FAM91A1: variants seen among roughly 807,000 people sequenced by gnomAD.
The protein encoded by FAM91A1 is protein FAM91A1.
FAM91A1 carries 41 observed loss-of-function variants against 113.5 expected under a neutral mutation model. That is an observed-to-expected ratio of 0.36 (90% CI 0.28 to 0.47). FAM91A1 has a LOEUF of 0.47. Ranked by LOEUF, FAM91A1 falls within the 20% of genes least tolerant of loss-of-function variation. The pLI is 1.00. For synonymous variants in FAM91A1, 307 were observed against 347.9 expected, an observed-to-expected ratio of 0.88 and a Z score of 1.31; for missense variants, 696 against 1,001.2, an observed-to-expected ratio of 0.70 and a Z score of 4.11.
At chr8:123,784,928 G>T in intron 9 of FAM91A1, 153 bp from the exon 10 acceptor site, 1 of 536,122 alleles carries the variant, frequency 1.9e-6, no homozygotes, top group Non-Finnish European at 3.2e-6. Context: ...TAGAGATAGG[G>T]AAAGAAGAAA....
Position 123,802,048 on chromosome 8 carries a change from C to G in FAM91A1, c.1809+2163C>G, listed in dbSNP as rs141092803. Reference sequence around the variant, plus strand: ...GTGCCGCCTGCCTTGAGTGTCCTGCCGTGGAACTGAGAAGTTGACCTGTAG... The same window carrying G: ...GTGCCGCCTGCCTTGAGTGTCCTGCGGTGGAACTGAGAAGTTGACCTGTAG... On this transcript the variant is annotated intron_variant, in intron 18 of 23. Coordinates refer to ENST00000334705, the MANE Select transcript of FAM91A1 (RefSeq NM_144963.4). Among the ~76,000 whole-genome samples, 6 of 152,030 alleles carry G rather than the reference C, an allele frequency of 3.9e-5. No homozygotes were observed. In the East Asian group the frequency reaches 1.2e-3, roughly 29 times the overall value.
intron 15 of FAM91A1, among the ~76,000 whole-genome samples, chr8:123,793,285 A>C (rs1242590201): frequency 6.6e-6 from 1 of 152,118 alleles, no homozygotes; most frequent in Non-Finnish European, 1.5e-5. Context: ...CTTTGAGACC[A>C]TGCAGATATC....
At chr8:123,784,709 A>G (rs555635749) in intron 9 of FAM91A1, 133 bp downstream of exon 9, 55 of 524,804 alleles carry the variant, frequency 1.0e-4, no homozygotes, top group African/African-American at 7.2e-4. Flanking sequence ...TTACACTTAA[A>G]TGTCATTATT....
At chr8:123,781,411 C>T (rs1815117585) in intron 8 of FAM91A1, among the ~76,000 whole-genome samples, 1 of 151,686 alleles carries the variant, frequency 6.6e-6, no homozygotes, top group Non-Finnish European at 1.5e-5. Context: ...CGTGTCCAGA[C>T]CTTTGGGTTG....
chr8:123,786,057 G>A (rs1452768149), intron 11 of FAM91A1: 3 of 375,990 alleles, frequency 8.0e-6, no homozygotes, highest in Non-Finnish European at 1.6e-5. Flanking sequence ...GGCCCCAACT[G>A]ATCCACCCAC....
chr8:123,812,590 T>C lies in FAM91A1; in HGVS notation c.2403T>C (p.Ala801=). 6 of 1,611,108 alleles carry C rather than the reference T, an allele frequency of 3.7e-6. No homozygotes were observed. Among genetic ancestry groups the C allele is most frequent in the Non-Finnish European group, 5.1e-6 (6 of 1,178,734 alleles). Residue 801 remains alanine (A), a synonymous_variant, in exon 24 of 24, where the codon GCT becomes GCC. Transcript: ENST00000334705. ...GTTTGCTTTCACAGTCATCGTGTGCTGACATGGGTGTTCCACTTCCTGCAA... is the reference window on the plus strand; with the variant it reads ...GTTTGCTTTCACAGTCATCGTGTGCCGACATGGGTGTTCCACTTCCTGCAA... The part of the protein sequence containing the change: ...FSSLLSQSSC[A]DMGVPLPAKN...
chr8:123,784,135 A>C (rs1030220479), intron 8 of FAM91A1, among the ~76,000 whole-genome samples: 2 of 152,196 alleles, frequency 1.3e-5, no homozygotes, highest in African/African-American at 4.8e-5. Context: ...CATGTATCAG[A>C]AACCCTTTGC....
At chr8:123,799,368 T>C (rs1815620000) in intron 16 of FAM91A1, 152 bp from the exon 17 acceptor site, 3 of 680,790 alleles carry the variant, frequency 4.4e-6, no homozygotes, top group Non-Finnish European at 6.9e-6. Context: ...CAGTATAAAA[T>C]TGAAACTATT....
chr8:123,800,835 T>A (rs1815657834), intron 18 of FAM91A1, among the ~76,000 whole-genome samples: 1 of 152,158 alleles, frequency 6.6e-6, no homozygotes, highest in Non-Finnish European at 1.5e-5. Context: ...AGGTTCATCA[T>A]GTTGTCATAG....
chr8:123,808,429 C>G lies in FAM91A1; in HGVS notation c.2137+53C>G, dbSNP rs963059437. The G allele has an allele frequency of 4.7e-6, 7 of 1,478,560 alleles. No individual in the cohort carries two copies. In the African/African-American group the frequency reaches 7.0e-5, roughly 15 times the overall value. 91.6% of individuals were successfully genotyped at this position (1,478,560 alleles called of 1,614,324 possible). On this transcript the variant is annotated intron_variant, in intron 21 of 23. Coordinates refer to ENST00000334705, the MANE Select transcript of FAM91A1 (RefSeq NM_144963.4). ...TATTAGACTAATTTCTGAGGTTTAA[C>G]TTTTATGTTAAGGCATTTGCATGCC...
intron 3 of FAM91A1, among the ~76,000 whole-genome samples, chr8:123,776,882 G>A (rs1814996464): frequency 6.6e-6 from 1 of 152,192 alleles, no homozygotes; most frequent in Non-Finnish European, 1.5e-5. Flanking sequence ...AGTGCATGTT[G>A]ATGGAGCTGT....
chr8:123,795,428 C>T (rs1424130872), intron 15 of FAM91A1, among the ~76,000 whole-genome samples: 15 of 149,892 alleles, frequency 1.0e-4, no homozygotes, highest in African/African-American at 2.7e-4. Flanking sequence ...TGAGTTCTCA[C>T]GAGATCTGTA....
intron 20 of FAM91A1, 137 bp downstream of exon 20, chr8:123,806,366 G>A (rs1815812745): frequency 1.0e-6 from 1 of 963,378 alleles, no homozygotes; most frequent in Non-Finnish European, 1.5e-6. Flanking sequence ...GAAGCACGAG[G>A]AAATATTTTG....
chr8:123,797,075 T>A (rs1815540843), intron 15 of FAM91A1, among the ~76,000 whole-genome samples: 1 of 151,034 alleles, frequency 6.6e-6, no homozygotes, highest in Non-Finnish European at 1.5e-5. Flanking sequence ...AATAAATAAA[T>A]AAAAAAAGAT....
Position 123,798,208 on chromosome 8 carries a change from A to C in FAM91A1, c.1530A>C (p.Glu510Asp), listed in dbSNP as rs908246113. The change falls in exon 16 of 24, where the codon GAA becomes GAC. Residue 510 changes from glutamate (E) to aspartate (D), a missense_variant. Physicochemically the swap from Glu to Asp is conservative, Grantham distance 45 (BLOSUM62 2). Transcript: ENST00000334705. The part of the protein sequence containing the change: ...LLVSMAPLTN[E>D]IRPVSSCTPQ... ...TTTCCATGGCTCCCCTCACCAATGA[A>C]ATCCGGCCTGTCAGCAGCTGCACCC... The C allele has an allele frequency of 2.5e-6, 4 of 1,614,088 alleles. No homozygotes were observed. Among genetic ancestry groups the C allele is most frequent in the Non-Finnish European group, 3.4e-6 (4 of 1,179,972 alleles).
chr8:123,781,860 C>T (rs543088576), intron 8 of FAM91A1, among the ~76,000 whole-genome samples: 6 of 151,876 alleles, frequency 4.0e-5, no homozygotes, highest in Non-Finnish European at 5.9e-5. Flanking sequence ...TAGTTGATGC[C>T]GTAACAAAAT....
chr8:123,774,076 C>T lies in FAM91A1; in HGVS notation c.73-4C>T. 6.2e-7 allele frequency: 1 copy of T among 1,603,778 alleles called. No homozygotes were observed. Among genetic ancestry groups the T allele is most frequent in the East Asian group, 2.3e-5 (1 of 44,276 alleles). On this transcript the variant is annotated splice_polypyrimidine_tract_variant and splice_region_variant and intron_variant, in intron 1 of 23. Transcript: ENST00000334705. ...GTTTAAAATCTTTTTGAAATTTCTC[C>T]TAGAGTCTTGGAAATTCACAGAGAG... is the stretch of plus-strand genomic sequence containing the variant.
chr8:123,794,605 T>C (rs928216355), intron 15 of FAM91A1, among the ~76,000 whole-genome samples: 1 of 152,252 alleles, frequency 6.6e-6, no homozygotes, highest in Non-Finnish European at 1.5e-5. Context: ...TAAAATGCCC[T>C]GTGACGCTGA....
chr8:123,783,244 T>G (rs1815166963), intron 8 of FAM91A1, among the ~76,000 whole-genome samples: 1 of 151,878 alleles, frequency 6.6e-6, no homozygotes, highest in Non-Finnish European at 1.5e-5. Context: ...ACCCACGGAG[T>G]TAGGAGGATT....
Sources: allele counts gnomAD v4.1 joint callset (sites outside exome capture counted in the v4.1 genomes callset), GRCh38; gene constraint gnomAD v4.1.1; transcripts MANE v1.5; gene names NCBI Gene and HGNC (gene_info 2026-07-23, HGNC 2026-07-21).